The following TMPRSS9 variants were observed in gnomAD, a reference collection of about 807,000 sequenced individuals.
The protein encoded by TMPRSS9 is transmembrane protease serine 9.
A neutral mutation model predicts 111.4 loss-of-function variants in TMPRSS9; 113 were observed. That is an observed-to-expected ratio of 1.01 (90% CI 0.87 to 1.19). The LOEUF (loss-of-function observed/expected upper bound fraction) is 1.19, where lower values mean the gene tolerates loss of function less well. TMPRSS9 is among the 50% of genes most tolerant of loss of function. The probability of loss-of-function intolerance (pLI) is 0.00; values close to 1 mark genes in which losing one functional copy is unlikely to be tolerated. For synonymous variants in TMPRSS9, 805 were observed against 659.1 expected (o/e 1.22, Z -3.39); for missense variants, 1,803 against 1,513.1 (o/e 1.19, Z -3.18).
chr19:2,390,410 A>AT (rs929131012), intron 1 of TMPRSS9, among the ~76,000 whole-genome samples: 215 of 149,710 alleles, frequency 1.4e-3, no homozygotes, highest in African/African-American at 5.0e-3. Context: ...CCCCCGGCTA[A>AT]TTTTTTGTAT....
upstream of TMPRSS9, among the ~76,000 whole-genome samples, chr19:2,385,245 A>G (rs1970455681): frequency 6.7e-6 from 1 of 150,306 alleles, no homozygotes; most frequent in African/African-American, 2.5e-5. Context: ...CAGGGCTTGA[A>G]TCCCAGGAGG....
chr19:2,370,064 C>T (rs951680187), intron 1 of TMPRSS9, among the ~76,000 whole-genome samples: 10 of 151,998 alleles, frequency 6.6e-5, no homozygotes, highest in East Asian at 1.9e-4. Context: ...AAAAATTAGC[C>T]GGGCATGATG....
At chr19:2,410,532 G>A in intron 9 of TMPRSS9, 138 bp downstream of exon 10, 1 of 1,249,918 alleles carries the variant, frequency 8.0e-7, no homozygotes, top group Non-Finnish European at 1.1e-6. Context: ...ACAGACACGA[G>A]CGTGTTCAAA....
At position 2,423,932 on chromosome 19, in the gene TMPRSS9, C is replaced by A. The variant is rs529998173; in HGVS notation, c.2549-157C>A. On this transcript the variant is annotated intron_variant, in intron 14 of 17. Coordinates refer to ENST00000648592, the Ensembl canonical transcript of TMPRSS9. ...AAGCCCAAAGACCAAGCAGCAGGCC[C>A]AGTGTCCTTTCCTGCTGAGTTTTCC... Among the ~76,000 whole-genome samples the A allele has an allele frequency of 2.4e-3, 362 of 152,312 alleles. 2 individuals are homozygous for A. Among genetic ancestry groups the A allele is most frequent in the Non-Finnish European group, 3.0e-3 (206 of 68,020 alleles).
exon 10 of TMPRSS9, chr19:2,413,705 C>T (rs1234466096): frequency 1.2e-6 from 2 of 1,602,258 alleles, no homozygotes; most frequent in Non-Finnish European, 1.7e-6. Context: ...CCTAGGGTGA[C>T]TCAGGAGGAC....
At chr19:2,379,319 G>A (rs1339930493) in intron 1 of TMPRSS9, among the ~76,000 whole-genome samples, 2 of 151,282 alleles carry the variant, frequency 1.3e-5, no homozygotes, top group South Asian at 4.2e-4. Flanking sequence ...CCGAGTAGCT[G>A]GGACTACAGG....
At chr19:2,424,171 C>T (rs774927717) in exon 15 of TMPRSS9, 1 of 1,465,900 alleles carries the variant, frequency 6.8e-7, no homozygotes, top group Non-Finnish European at 9.1e-7. Context: ...GGCAGGTGAG[C>T]CTGTGGCTGC....
intron 14 of TMPRSS9, 109 bp downstream of exon 15, chr19:2,422,356 G>T: frequency 7.6e-7 from 1 of 1,314,644 alleles, no homozygotes; most frequent in South Asian, 1.7e-5. Context: ...GAGGCGGGCG[G>T]ATCAAGAGGT....
Position 2,410,257 on chromosome 19 carries a change from G to C in TMPRSS9, c.1118-1G>C, listed in dbSNP as rs1177234501. 1 of 1,613,662 alleles carries C rather than the reference G, an allele frequency of 6.2e-7. No homozygotes were observed. The highest frequency in any genetic ancestry group is 8.5e-7 in the Non-Finnish European group (1 of 1,179,918). ...CTGCTTTTCTCTCCCCATTCGGCCA[G>C]TGGTCAAGCCAGAGGTGCTGCAGAA... On this transcript the variant is annotated splice_acceptor_variant, in intron 8 of 17. Transcript: ENST00000648592. LOFTEE classifies it high-confidence loss of function.
At chr19:2,419,242 C>T (rs545890249) in intron 13 of TMPRSS9, among the ~76,000 whole-genome samples, 17 of 147,932 alleles carry the variant, frequency 1.1e-4, no homozygotes, top group Middle Eastern at 3.4e-3. Flanking sequence ...CTGGCTCTGT[C>T]GCCCAGGCTG....
chr19:2,390,879 T>A (rs1006239616), intron 1 of TMPRSS9, among the ~76,000 whole-genome samples: 1 of 150,894 alleles, frequency 6.6e-6, no homozygotes, highest in Non-Finnish European at 1.5e-5. Context: ...ATAATAAATT[T>A]AAAATAAGGC....
chr19:2,424,071 C>T lies in TMPRSS9; in HGVS notation c.2549-18C>T. 7.9e-7 allele frequency: 1 copy of T among 1,262,212 alleles called. No individual in the cohort carries two copies. The highest frequency in any genetic ancestry group is 2.8e-5 in the South Asian group (1 of 35,940). 78.2% of individuals were successfully genotyped at this position (1,262,212 alleles called of 1,614,324 possible). The stretch of plus-strand genomic sequence containing the variant: ...GGTGCCCTGGGTCCGCCTGCCCACG[C>T]GCCTGGCTCCCCCGCAGACTGTGGC... On this transcript the variant is annotated intron_variant, in intron 14 of 17. Transcript: ENST00000648592.
chr19:2,390,319 T>G (rs1970561499), intron 1 of TMPRSS9, among the ~76,000 whole-genome samples: 1 of 132,726 alleles, frequency 7.5e-6, no homozygotes. Context: ...CTCGGCTCAC[T>G]GCAAGCTCCA....
intron 7 of TMPRSS9, among the ~76,000 whole-genome samples, chr19:2,406,475 C>G (rs748221762): frequency 8.0e-5 from 12 of 149,410 alleles, no homozygotes; most frequent in African/African-American, 2.5e-4. Context: ...TACAGGTGCA[C>G]GCCACCATGC....
intron 1 of TMPRSS9, among the ~76,000 whole-genome samples, chr19:2,375,572 C>T (rs757618111): frequency 8.1e-6 from 1 of 122,842 alleles, no homozygotes; most frequent in Non-Finnish European, 1.6e-5. Context: ...CTGTGATTGG[C>T]AGGCCAGGGT....
At chr19:2,410,689 C>A (rs75725026) in intron 9 of TMPRSS9, among the ~76,000 whole-genome samples, 6,018 of 152,196 alleles carry the variant, frequency 0.04, 143 homozygotes, top group Non-Finnish European at 0.049. Context: ...TCCCTGCTCC[C>A]TTCCAGTGGG....
chr19:2,372,822 T>A (rs1970300731), intron 1 of TMPRSS9, among the ~76,000 whole-genome samples: 1 of 152,164 alleles, frequency 6.6e-6, no homozygotes, highest in Non-Finnish European at 1.5e-5. Context: ...CTAAACTTTT[T>A]TTAAATTAAA....
chr19:2,398,549 C>T (rs1403813352), intron 2 of TMPRSS9, among the ~76,000 whole-genome samples: 2 of 151,994 alleles, frequency 1.3e-5, no homozygotes, highest in Admixed American at 6.6e-5. Flanking sequence ...ACCTGGGAGG[C>T]GGAGGTTGCA....
exon 17 of TMPRSS9, chr19:2,425,450 T>G (rs757175246): frequency 1.6e-5 from 25 of 1,592,328 alleles, no homozygotes; most frequent in East Asian, 9.1e-5. Flanking sequence ...AGCAGCCGCA[T>G]GCTGTGTGCC....
Sources: allele counts gnomAD v4.1 joint callset (sites outside exome capture counted in the v4.1 genomes callset), GRCh38; gene constraint gnomAD v4.1.1; transcripts MANE v1.5; gene names NCBI Gene and HGNC (gene_info 2026-07-23, HGNC 2026-07-21).